SLC25A48: variants seen among roughly 807,000 people sequenced by gnomAD.
SLC25A48 encodes the protein solute carrier family 25 member 48.
A neutral mutation model predicts 32.2 loss-of-function variants in SLC25A48; 29 were observed. The observed-to-expected ratio is 0.90, with a 90% CI of 0.67 to 1.23. SLC25A48 has a LOEUF of 1.23. Among genes scored for constraint, SLC25A48 ranks in the 50% most tolerant of loss-of-function variants. SLC25A48 has a pLI of 0.00. For missense variants in SLC25A48, 399 were observed against 422.7 expected (o/e 0.94, Z 0.49); for synonymous variants, 164 against 172.3 (o/e 0.95, Z 0.38).
Position 135,886,646 on chromosome 5 carries a change from ATATGTGTGTG to A in SLC25A48, c.*8-1384_*8-1375del, listed in dbSNP as rs1301877885. 2.8e-3 allele frequency among the ~76,000 whole-genome samples: 103 copies of A among 36,440 alleles called. 7 individuals are homozygous for A. Among genetic ancestry groups the A allele is most frequent in the African/African-American group, 9.5e-3 (50 of 5,284 alleles). 23.9% of individuals were successfully genotyped at this position (36,440 alleles called of 152,430 possible). A position where few individuals can be genotyped will look rare whatever the true frequency, so the allele number is the denominator to read the frequency against. On this transcript the variant is annotated intron_variant, in intron 7 of 7. Coordinates refer to ENST00000681962, the MANE Select transcript of SLC25A48 (RefSeq NM_001349336.2). ...ATATATATATATATATAAAATATAT[ATATGTGTGTG>A]TGTGTGTGTGTGTGTGTGAGAGAGA...
upstream of SLC25A48, among the ~76,000 whole-genome samples, chr5:135,831,687 C>A (rs1222901054): frequency 6.6e-6 from 1 of 152,200 alleles, no homozygotes; most frequent in African/African-American, 2.4e-5. Context: ...GAATGTGAGA[C>A]ATTGAGGTGC....
intron 3 of SLC25A48, among the ~76,000 whole-genome samples, chr5:135,652,974 T>C (rs188112945): frequency 1.6e-3 from 239 of 152,144 alleles, no homozygotes; most frequent in Non-Finnish European, 2.9e-3. Flanking sequence ...CCTTAATGAG[T>C]AGATTAACAC....
At chr5:135,797,051 G>A (rs1011001039) in intron 3 of SLC25A48, among the ~76,000 whole-genome samples, 1 of 151,710 alleles carries the variant, frequency 6.6e-6, no homozygotes. Flanking sequence ...ATATCGAGAG[G>A]GGTCTACATC....
At chr5:135,788,467 G>T (rs536719381) in intron 3 of SLC25A48, among the ~76,000 whole-genome samples, 7 of 149,670 alleles carry the variant, frequency 4.7e-5, no homozygotes, top group Non-Finnish European at 6.0e-5. Context: ...TTATATTCGT[G>T]GGGGGAGAGG....
intron 3 of SLC25A48, among the ~76,000 whole-genome samples, chr5:135,677,084 T>A (rs1336448367): frequency 6.6e-6 from 1 of 152,054 alleles, no homozygotes; most frequent in African/African-American, 2.4e-5. Context: ...TGTTTTAGAG[T>A]CTATCTCTTT....
chr5:135,812,302 T>G (rs1757608261), intron 3 of SLC25A48, among the ~76,000 whole-genome samples: 2 of 152,224 alleles, frequency 1.3e-5, no homozygotes, highest in Admixed American at 6.5e-5. Flanking sequence ...TATCATTTCT[T>G]TGTGTTACAA....
intron 2 of SLC25A48, among the ~76,000 whole-genome samples, chr5:135,844,359 T>A (rs1355107617): frequency 6.6e-5 from 10 of 152,028 alleles, no homozygotes. Context: ...TCCATGAGAG[T>A]GCTGGTTGTT....
At position 135,820,492 on chromosome 5, in the gene SLC25A48, C is replaced by T. The variant is rs528944125; in HGVS notation, c.-117+7566C>T. On this transcript the variant is annotated intron_variant, in intron 4 of 10. Coordinates refer to the SLC25A48 transcript ENST00000646290. ...ATAAATTCATGAACAGCACACTTTA[C>T]GGTGTATATAAATTAGACCTCAATG... is the stretch of plus-strand genomic sequence containing the variant. Among the ~76,000 whole-genome samples, 56 of 152,126 alleles carry T rather than the reference C, an allele frequency of 3.7e-4. 1 individual carries two copies. Among genetic ancestry groups the T allele is most frequent in the South Asian group, 8.3e-4 (4 of 4,814 alleles).
intron 3 of SLC25A48, among the ~76,000 whole-genome samples, chr5:135,775,042 T>A (rs1248608799): frequency 1.3e-5 from 2 of 151,772 alleles, no homozygotes; most frequent in Non-Finnish European, 2.9e-5. Flanking sequence ...CCAAAGGATG[T>A]ACACACACCC....
chr5:135,727,257 A>G (rs1001657830), intron 3 of SLC25A48, among the ~76,000 whole-genome samples: 1 of 147,870 alleles, frequency 6.8e-6, no homozygotes, highest in Non-Finnish European at 1.5e-5. Flanking sequence ...ATAGTAAAAA[A>G]AACACTCTAA....
intron 3 of SLC25A48, among the ~76,000 whole-genome samples, chr5:135,745,622 C>T (rs1755620375): frequency 6.6e-6 from 1 of 152,166 alleles, no homozygotes; most frequent in African/African-American, 2.4e-5. Flanking sequence ...TGAGCAGGCT[C>T]CTAAGGTCCT....
At chr5:135,663,810 G>T (rs1276141493) in intron 3 of SLC25A48, among the ~76,000 whole-genome samples, 3 of 152,088 alleles carry the variant, frequency 2.0e-5, no homozygotes, top group Admixed American at 6.5e-5. Context: ...ATTCCTGGGA[G>T]TCCTTTTGGC....
At chr5:135,603,498 G>A (rs534187863) in intron 1 of SLC25A48, among the ~76,000 whole-genome samples, 1 of 152,330 alleles carries the variant, frequency 6.6e-6, no homozygotes, top group East Asian at 1.9e-4. Context: ...GGCAGGACAG[G>A]CCTCCCAGCA....
intron 3 of SLC25A48, among the ~76,000 whole-genome samples, chr5:135,675,624 G>T (rs1454001225): frequency 6.6e-6 from 1 of 151,992 alleles, no homozygotes; most frequent in Non-Finnish European, 1.5e-5. Context: ...ATATTTTAAA[G>T]TCAGGTGATG....
At chr5:135,607,353 C>CCATGCATG (rs1369069606) in intron 1 of SLC25A48, among the ~76,000 whole-genome samples, 1 of 152,202 alleles carries the variant, frequency 6.6e-6, no homozygotes, top group African/African-American at 2.4e-5. Context: ...CAACTCATTT[C>CCATGCATG]CATGCATGCA....
At chr5:135,654,535 G>A (rs1327120491) in intron 3 of SLC25A48, among the ~76,000 whole-genome samples, 1 of 152,206 alleles carries the variant, frequency 6.6e-6, no homozygotes, top group Non-Finnish European at 1.5e-5. Context: ...AGTTGTTATA[G>A]GTTACAGACC....
At chr5:135,859,349 G>A (rs183187382) in intron 4 of SLC25A48, among the ~76,000 whole-genome samples, 24 of 152,208 alleles carry the variant, frequency 1.6e-4, no homozygotes, top group Admixed American at 1.2e-3. Context: ...GATCTCATGA[G>A]ACTTACTCAC....
At position 135,852,608 on chromosome 5, in the gene SLC25A48, G is replaced by A. The variant is rs376345351; in HGVS notation, c.208G>A (p.Ala70Thr). Residue 70 changes from alanine (A) to threonine (T), a missense_variant, in exon 4 of 8, where the codon GCC (alanine) becomes ACC (threonine). Ala to Thr is a moderately conservative substitution (Grantham distance 58, BLOSUM62 0). Transcript: ENST00000681962. Reference protein sequence around the residue: ...KGMSFPLASIAVYNSVVFGVF... With the variant: ...KGMSFPLASITVYNSVVFGVF... ...CATGTCCTTCCCCCTCGCCAGCATT[G>A]CCGTCTACAACTCCGTGGTGTTTGG... 25 of 1,606,874 alleles carry A rather than the reference G, an allele frequency of 1.6e-5. No homozygotes were observed. In the African/African-American group the frequency reaches 3.1e-4, roughly 20 times the overall value.
intron 1 of SLC25A48, among the ~76,000 whole-genome samples, chr5:135,593,591 A>G (rs1751577229): frequency 1.3e-5 from 2 of 152,206 alleles, no homozygotes; most frequent in Admixed American, 6.5e-5. Flanking sequence ...TTCTCCCAGG[A>G]GGCAGATGGA....
Sources: gnomAD v4.1 joint callset for allele counts (sites outside exome capture counted in the v4.1 genomes callset) on GRCh38, gnomAD v4.1.1 for gene constraint, MANE v1.5 for transcripts, NCBI Gene and HGNC (gene_info 2026-07-23, HGNC 2026-07-21) for gene names.